LMBR1: variants seen among roughly 807,000 people sequenced by gnomAD.
LMBR1 encodes limb region 1 protein homolog.
A neutral mutation model predicts 73.9 loss-of-function variants in LMBR1; 52 were observed. The ratio of observed to expected loss-of-function variants is 0.70; its 90% CI spans 0.56 to 0.89. The LOEUF (loss-of-function observed/expected upper bound fraction) is 0.89. Ranked by LOEUF, LMBR1 falls within the 40% of genes least tolerant of loss-of-function variation. The pLI is 0.00. For synonymous variants in LMBR1, 215 were observed against 209.4 expected (o/e 1.03, Z -0.23); for missense variants, 539 against 579.8 (o/e 0.93, Z 0.72).
At chr7:156,752,850 G>A (rs193135625) in intron 9 of LMBR1, among the ~76,000 whole-genome samples, 26 of 152,100 alleles carry the variant, frequency 1.7e-4, no homozygotes, top group African/African-American at 6.0e-4. Context: ...ATGAAGGCTC[G>A]GGTTTCAGCA....
chr7:156,836,787 G>A lies in LMBR1; in HGVS notation c.139+26C>T, dbSNP rs1307167528. On this transcript the variant is annotated intron_variant, in intron 2 of 16. Coordinates refer to ENST00000353442, the MANE Select transcript of LMBR1 (RefSeq NM_022458.4). The stretch of plus-strand genomic sequence containing the variant: ...TAGACCATGTGGCATTCTAACAAAG[G>A]TTTTAATTGACATGTTTCCACTTGC... 3.4e-6 allele frequency: 5 copies of A among 1,466,628 alleles called. No homozygotes were observed. The African/African-American group carries it at 4.2e-5, about 12-fold the overall frequency. The allele number at this position is 1,466,628 out of a possible 1,614,324, so 90.9% of individuals were successfully genotyped here.
chr7:156,722,989 A>T (rs1292649914), intron 15 of LMBR1, among the ~76,000 whole-genome samples: 1 of 152,122 alleles, frequency 6.6e-6, no homozygotes, highest in Non-Finnish European at 1.5e-5. Context: ...AACATTTAAC[A>T]TCAAATCAGG....
chr7:156,825,602 T>C (rs1013553172), intron 4 of LMBR1, among the ~76,000 whole-genome samples: 3 of 152,158 alleles, frequency 2.0e-5, no homozygotes, highest in Non-Finnish European at 4.4e-5. Context: ...CAAAAAAGAA[T>C]TATGCCAGCA....
chr7:156,730,163 C>G (rs1290014797), intron 10 of LMBR1, among the ~76,000 whole-genome samples: 1 of 152,190 alleles, frequency 6.6e-6, no homozygotes, highest in African/African-American at 2.4e-5. Context: ...GCAGTCAAAA[C>G]TTGAGAGGCT....
intron 1 of LMBR1, among the ~76,000 whole-genome samples, chr7:156,861,608 G>A (rs971752202): frequency 4.6e-5 from 7 of 152,106 alleles, no homozygotes; most frequent in African/African-American, 1.2e-4. Flanking sequence ...GTCAGGCTGC[G>A]AATTTTCCAA....
At chr7:156,766,131 G>A (rs1438106342) in intron 5 of LMBR1, among the ~76,000 whole-genome samples, 3 of 151,946 alleles carry the variant, frequency 2.0e-5, no homozygotes, top group Admixed American at 6.6e-5. Flanking sequence ...CAATCTCCAC[G>A]GCGCTCTCAC....
At chr7:156,803,698 G>T (rs1460990383) in intron 4 of LMBR1, among the ~76,000 whole-genome samples, 2 of 151,982 alleles carry the variant, frequency 1.3e-5, no homozygotes, top group Admixed American at 6.6e-5. Context: ...GCACACGTAT[G>T]TTTATTGTGG....
intron 7 of LMBR1, among the ~76,000 whole-genome samples, chr7:156,762,846 AGTGTGTGTGTGT>A (rs35976164): frequency 6.7e-6 from 1 of 148,628 alleles, no homozygotes; most frequent in Non-Finnish European, 1.5e-5. Flanking sequence ...TGTGAGTGTG[AGTGTGTGTGTGT>A]GTGTGTGTGT....
chr7:156,856,535 A>G (rs1796995190), intron 1 of LMBR1, among the ~76,000 whole-genome samples: 2 of 152,088 alleles, frequency 1.3e-5, no homozygotes, highest in East Asian at 3.9e-4. Flanking sequence ...AGCCAGGCCA[A>G]CATCGAGAAA....
At chr7:156,826,200 G>A (rs369424792) in intron 4 of LMBR1, among the ~76,000 whole-genome samples, 42 of 152,052 alleles carry the variant, frequency 2.8e-4, no homozygotes, top group African/African-American at 4.3e-4. Flanking sequence ...GGCTGGTCTC[G>A]AACTCCTGAC....
At chr7:156,701,346 AAG>A (rs1809634515) in intron 15 of LMBR1, among the ~76,000 whole-genome samples, 3 of 152,254 alleles carry the variant, frequency 2.0e-5, no homozygotes, top group Admixed American at 2.0e-4. Context: ...ATATACATAC[AAG>A]AGAGTACTAT....
At chr7:156,742,223 T>A (rs1343670641) in intron 9 of LMBR1, among the ~76,000 whole-genome samples, 1 of 151,914 alleles carries the variant, frequency 6.6e-6, no homozygotes, top group Non-Finnish European at 1.5e-5. Context: ...TAATGATGCA[T>A]CTTAAAGAAT....
intron 2 of LMBR1, among the ~76,000 whole-genome samples, chr7:156,834,069 T>C (rs1400229258): frequency 6.6e-6 from 1 of 152,114 alleles, no homozygotes; most frequent in Non-Finnish European, 1.5e-5. Flanking sequence ...TAAAACTTAG[T>C]ACAACCTTAG....
intron 1 of LMBR1, among the ~76,000 whole-genome samples, chr7:156,853,999 A>G (rs988557086): frequency 2.6e-5 from 4 of 151,566 alleles, no homozygotes; most frequent in East Asian, 3.9e-4. Context: ...ACCTATATAC[A>G]TCATATGCCA....
chr7:156,760,211 A>C (rs968242396), intron 8 of LMBR1, among the ~76,000 whole-genome samples: 11 of 152,214 alleles, frequency 7.2e-5, no homozygotes, highest in Non-Finnish European at 2.9e-5. Flanking sequence ...AGAGCTGAAC[A>C]CACTGACATA....
chr7:156,681,097 CTT>C lies in LMBR1; in HGVS notation c.*2979_*2980del. 2.5e-6 allele frequency: 1 copy of C among 404,152 alleles called. No individual in the cohort carries two copies. Among genetic ancestry groups the C allele is most frequent in the Non-Finnish European group, 4.8e-6 (1 of 209,950 alleles). The allele number at this position is 404,152 out of a possible 1,614,324, so 25.0% of individuals were successfully genotyped here. A position where few individuals can be genotyped will look rare whatever the true frequency, so the allele number is the denominator to read the frequency against. On this transcript the variant is annotated 3_prime_UTR_variant, in exon 17 of 17. Coordinates refer to ENST00000353442, the MANE Select transcript of LMBR1 (RefSeq NM_022458.4). Reference sequence around the variant, plus strand: ...TCTATGTTCACATTAAAAAAAAAAACTTGTAAGAATTCTGCCTTTATGCATTA... The same window carrying C: ...TCTATGTTCACATTAAAAAAAAAAACGTAAGAATTCTGCCTTTATGCATTA...
chr7:156,762,854 TG>T (rs1823348957), intron 7 of LMBR1, among the ~76,000 whole-genome samples: 2 of 151,834 alleles, frequency 1.3e-5, no homozygotes, highest in African/African-American at 4.8e-5. Context: ...TGAGTGTGTG[TG>T]TGTGTGTGTG....
Position 156,769,408 on chromosome 7 carries a change from T to G in LMBR1, c.424-5613A>C, listed in dbSNP as rs755035014. On this transcript the variant is annotated intron_variant, in intron 5 of 16. Coordinates refer to ENST00000353442, the MANE Select transcript of LMBR1 (RefSeq NM_022458.4). Reference sequence around the variant, plus strand: ...TCAGACTCATTACAGGTAGGAGTAATGTAATTACCAGGGGCCCTTCCTCCT... The same window carrying G: ...TCAGACTCATTACAGGTAGGAGTAAGGTAATTACCAGGGGCCCTTCCTCCT... 3.3e-4 allele frequency among the ~76,000 whole-genome samples: 50 copies of G among 152,104 alleles called. No homozygotes were observed. Among genetic ancestry groups the G allele is most frequent in the Non-Finnish European group, 6.8e-4 (46 of 68,014 alleles).
chr7:156,729,018 AT>A (rs1159694006), intron 10 of LMBR1, among the ~76,000 whole-genome samples: 5 of 151,704 alleles, frequency 3.3e-5, no homozygotes, highest in African/African-American at 1.2e-4. Context: ...TTTTTTATTT[AT>A]TTTTTGTGGA....
Sources: allele counts gnomAD v4.1 joint callset (sites outside exome capture counted in the v4.1 genomes callset), GRCh38; gene constraint gnomAD v4.1.1; transcripts MANE v1.5; gene names NCBI Gene and HGNC (gene_info 2026-07-23, HGNC 2026-07-21).